The following ADGRG6 variants were observed in gnomAD, a reference collection of about 807,000 sequenced individuals.
ADGRG6 encodes adhesion G protein-coupled receptor G6.
In ADGRG6, 84 loss-of-function variants were observed where a neutral mutation model predicts 142.4. That is an observed-to-expected ratio of 0.59 (90% CI 0.49 to 0.71). The LOEUF is 0.71. Among genes scored for constraint, ADGRG6 ranks in the 30% least tolerant of loss-of-function variants. ADGRG6 has a pLI of 0.00. For synonymous variants in ADGRG6, 521 were observed against 520.5 expected, an observed-to-expected ratio of 1.00 and a Z score of -0.01; for missense variants, 1,367 against 1,466.6, an observed-to-expected ratio of 0.93 and a Z score of 1.11.
intron 5 of ADGRG6, 103 bp from the exon 6 acceptor site, chr6:142,383,657 A>C (rs1215191157): frequency 6.1e-6 from 4 of 654,338 alleles, no homozygotes; most frequent in Non-Finnish European, 8.2e-6. Context: ...AGTGGTTTCC[A>C]TTCTTCCCCT....
intron 2 of ADGRG6, among the ~76,000 whole-genome samples, chr6:142,361,112 T>C (rs1018724387): frequency 6.6e-6 from 1 of 152,204 alleles, no homozygotes; most frequent in African/African-American, 2.4e-5. Flanking sequence ...ATTTGGTTGA[T>C]TGGCAAAGCC....
At chr6:142,366,001 A>G (rs1263375995) in intron 2 of ADGRG6, among the ~76,000 whole-genome samples, 1 of 152,224 alleles carries the variant, frequency 6.6e-6, no homozygotes, top group Admixed American at 6.5e-5. Flanking sequence ...TTATGTGTCC[A>G]TTTAATGGCA....
chr6:142,369,601 C>T (rs1047240500), intron 3 of ADGRG6, among the ~76,000 whole-genome samples: 1 of 152,116 alleles, frequency 6.6e-6, no homozygotes, highest in African/African-American at 2.4e-5. Flanking sequence ...CACTAGACTC[C>T]CTCTCCTTAA....
At chr6:142,336,556 C>T (rs1435204435) in intron 2 of ADGRG6, among the ~76,000 whole-genome samples, 2 of 152,270 alleles carry the variant, frequency 1.3e-5, no homozygotes, top group South Asian at 2.1e-4. Context: ...AAACATGCTA[C>T]TGATAATCAA....
intron 22 of ADGRG6, among the ~76,000 whole-genome samples, chr6:142,426,697 G>A (rs1425953071): frequency 6.6e-6 from 1 of 152,182 alleles, no homozygotes; most frequent in Non-Finnish European, 1.5e-5. Flanking sequence ...CCTAGCGGAG[G>A]TTCTCCATGA....
At chr6:142,413,043 A>ATATATATATATATG in intron 18 of ADGRG6, among the ~76,000 whole-genome samples, 1 of 151,748 alleles carries the variant, frequency 6.6e-6, no homozygotes, top group Non-Finnish European at 1.5e-5. Flanking sequence ...ATATATATAT[A>ATATATATATATATG]TGTGAAGATA....
intron 11 of ADGRG6, among the ~76,000 whole-genome samples, chr6:142,401,748 T>A (rs770402991): frequency 6.6e-6 from 1 of 151,748 alleles, no homozygotes; most frequent in Non-Finnish European, 1.5e-5. Context: ...TGGAGAGAAT[T>A]TGGGAACATT....
intron 22 of ADGRG6, among the ~76,000 whole-genome samples, chr6:142,425,784 A>G (rs1203736197): frequency 6.6e-6 from 1 of 152,198 alleles, no homozygotes; most frequent in Non-Finnish European, 1.5e-5. Flanking sequence ...TTGGACTTAC[A>G]GTTCCACGTG....
intron 22 of ADGRG6, among the ~76,000 whole-genome samples, chr6:142,434,110 A>G (rs1299433294): frequency 6.6e-6 from 1 of 152,056 alleles, no homozygotes; most frequent in African/African-American, 2.4e-5. Flanking sequence ...GAAATAGATC[A>G]TTAGGATTTA....
intron 2 of ADGRG6, among the ~76,000 whole-genome samples, chr6:142,333,300 A>G (rs1779153888): frequency 1.3e-5 from 2 of 151,934 alleles, no homozygotes; most frequent in Admixed American, 1.3e-4. Context: ...CTTTGTTTTA[A>G]CTCATCACCA....
At chr6:142,355,597 C>T (rs993432347) in intron 2 of ADGRG6, among the ~76,000 whole-genome samples, 1 of 152,060 alleles carries the variant, frequency 6.6e-6, no homozygotes, top group African/African-American at 2.4e-5. Context: ...TGCTCTCCAG[C>T]GACAGGGAGT....
rs971571792 is a variant in ADGRG6, at chr6:142,425,779, C to G, written c.3319+5675C>G. On this transcript the variant is annotated intron_variant, in intron 22 of 24. Coordinates refer to ENST00000367609, the MANE Select transcript of ADGRG6 (RefSeq NM_198569.3). ...TACAAAACAAAGAGCTTTAATTGGA[C>G]TTACAGTTCCACGTGACTGGGGAAG... Among the ~76,000 whole-genome samples, 3 of 152,160 alleles carry G rather than the reference C, an allele frequency of 2.0e-5. 1 individual carries two copies. The highest frequency in any genetic ancestry group is 7.2e-5 in the African/African-American group (3 of 41,432).
intron 2 of ADGRG6, among the ~76,000 whole-genome samples, chr6:142,334,975 A>G (rs924094140): frequency 6.6e-6 from 1 of 152,222 alleles, no homozygotes; most frequent in African/African-American, 2.4e-5. Context: ...TCTTAATAGA[A>G]TGAATAAAGG....
chr6:142,370,547 G>A lies in ADGRG6; in HGVS notation c.823G>A (p.Val275Ile). Residue 275 changes from valine (V) to isoleucine (I), a missense_variant, in exon 4 of 25, where the codon GTT (valine) becomes ATT (isoleucine). Val to Ile is a conservative substitution (Grantham distance 29). Around this residue, in one of 3 missense-constraint regions of ADGRG6, gnomAD observed 737 missense variants for 746.5 expected, o/e 0.99. Coordinates refer to ENST00000367609, the MANE Select transcript of ADGRG6 (RefSeq NM_198569.3). ...AAATTTCAAAAGAAACTATGAAACA[G>A]TTCCATGTGATTCTACCATTAGTAA... The part of the protein sequence containing the change: ...GVNFKRNYET[V>I]PCDSTISKVI... 6.2e-7 allele frequency: 1 copy of A among 1,613,296 alleles called. No homozygotes were observed. Among genetic ancestry groups the A allele is most frequent in the Non-Finnish European group, 8.5e-7 (1 of 1,179,322 alleles).
chr6:142,376,805 A>C (rs1466472699), intron 4 of ADGRG6, among the ~76,000 whole-genome samples: 1 of 152,210 alleles, frequency 6.6e-6, no homozygotes, highest in East Asian at 1.9e-4. Context: ...AATTCATCTT[A>C]GTAGCAACTG....
rs375677214 is a variant in ADGRG6 at position 142,439,578 on chromosome 6, CT to C, written c.3574+1215del. ...CCACTGCCTGGGATTCATGATAGTG[CT>C]ATGGAAAAAGTTTTGAGTGTTTAGA... On this transcript the variant is annotated intron_variant, in intron 24 of 24. Coordinates refer to ENST00000367609, the MANE Select transcript of ADGRG6 (RefSeq NM_198569.3). 2.7e-3 allele frequency among the ~76,000 whole-genome samples: 410 copies of C among 152,202 alleles called. 3 individuals are homozygous for C. The highest frequency in any genetic ancestry group is 0.017 in the Middle Eastern group (5 of 294).
chr6:142,368,900 A>G lies in ADGRG6; in HGVS notation c.445+990A>G, dbSNP rs555092318. On this transcript the variant is annotated intron_variant, in intron 3 of 24. Coordinates refer to ENST00000367609, the MANE Select transcript of ADGRG6 (RefSeq NM_198569.3). ...AGCCATAACCACTAATAAAATGTTG[A>G]TGGAGATATTTATTTCTAGGCTTTT... Among the ~76,000 whole-genome samples, 3 of 152,306 alleles carry G rather than the reference A, an allele frequency of 2.0e-5. No homozygotes were observed. In the East Asian group the frequency reaches 5.8e-4, roughly 29 times the overall value.
At chr6:142,337,603 C>G (rs1022177873) in intron 2 of ADGRG6, among the ~76,000 whole-genome samples, 2 of 152,052 alleles carry the variant, frequency 1.3e-5, no homozygotes, top group African/African-American at 4.8e-5. Context: ...CAACCTGATT[C>G]TCCCCTCTTT....
rs756856674 is a variant in ADGRG6 at position 142,446,074 on chromosome 6, CTG to C, written c.*2561_*2562del. 1 of 152,462 alleles carries C rather than the reference CTG, an allele frequency of 6.6e-6. No homozygotes were observed. Among genetic ancestry groups the C allele is most frequent in the Non-Finnish European group, 1.5e-5 (1 of 67,998 alleles). 9.4% of individuals were successfully genotyped at this position (152,462 alleles called of 1,614,324 possible). On this transcript the variant is annotated 3_prime_UTR_variant, in exon 25 of 25. Coordinates refer to ENST00000367609, the MANE Select transcript of ADGRG6 (RefSeq NM_198569.3). ...TTTAATTAACTTTCTATTAGAGAGA[CTG>C]TATATATTTTTTCTAAATACTTTGT...
Sources: gnomAD v4.1 joint callset for allele counts (sites outside exome capture counted in the v4.1 genomes callset) on GRCh38, gnomAD v4.1.1 for gene constraint, gnomAD v4.1.1 regional missense constraint, MANE v1.5 for transcripts, NCBI Gene and HGNC (gene_info 2026-07-23, HGNC 2026-07-21) for gene names.